TEX15: variants seen among roughly 807,000 people sequenced by gnomAD.
TEX15 encodes the protein testis-expressed protein 15.
TEX15 carries 171 observed loss-of-function variants against 237.3 expected under a neutral mutation model. That is an observed-to-expected ratio of 0.72 (90% CI 0.64 to 0.82). The LOEUF is 0.82. Among genes scored for constraint, TEX15 ranks in the 40% least tolerant of loss-of-function variants. The probability of loss-of-function intolerance (pLI) is 0.00; values close to 1 mark genes in which losing one functional copy is unlikely to be tolerated. For missense variants in TEX15, 3,750 were observed against 3,646.5 expected, an observed-to-expected ratio of 1.03 and a Z score of -0.73; for synonymous variants, 1,338 against 1,269.8, an observed-to-expected ratio of 1.05 and a Z score of -1.14.
chr8:30,896,774 AATTT>A (rs35682067), intron 2 of TEX15, among the ~76,000 whole-genome samples: 3,296 of 152,298 alleles, frequency 0.022, 111 homozygotes, highest in African/African-American at 0.075. Flanking sequence ...AAACTGTAGT[AATTT>A]ATTTGGGGAG....
Position 30,844,519 on chromosome 8 carries a change from G to C in TEX15, c.5648C>G (p.Ser1883Cys). 6.2e-7 allele frequency: 1 copy of C among 1,612,728 alleles called. No homozygotes were observed. Among genetic ancestry groups the C allele is most frequent in the Non-Finnish European group, 8.5e-7 (1 of 1,179,454 alleles). Reference protein sequence around the residue: ...KNQKNQISEESCLNEKIITTN... With the variant: ...KNQKNQISEECCLNEKIITTN... Reference sequence around the variant, plus strand: ...TGTAATAATTTTCTCATTTAAGCAGGATTCTTCTGAGATCTGATTCTTTTG... The same window carrying C: ...TGTAATAATTTTCTCATTTAAGCAGCATTCTTCTGAGATCTGATTCTTTTG... Residue 1883 changes from serine (S) to cysteine (C), a missense_variant, in exon 8 of 11, where the codon TCC becomes TGC. Coordinates refer to ENST00000643185, the MANE Select transcript of TEX15 (RefSeq NM_001350162.2).
Position 30,845,123 on chromosome 8 carries a change from C to T in TEX15, c.5044G>A (p.Val1682Ile). Reference protein sequence around the residue: ...ILSDCKRNLEVKWTDPIERPK... With the variant: ...ILSDCKRNLEIKWTDPIERPK... The stretch of plus-strand genomic sequence containing the variant: ...CTCTCAATAGGATCTGTCCACTTTA[C>T]TTCCAGGTTTCTTTTACAATCAGAT... Residue 1682 changes from valine to isoleucine, a missense_variant, in exon 8 of 11, where the codon GTA (valine) becomes ATA (isoleucine). By Grantham distance (29) the Val-to-Ile change is conservative. Transcript: ENST00000643185. The T allele has an allele frequency of 6.2e-7, 1 of 1,613,404 alleles. No individual in the cohort carries two copies. The highest frequency in any genetic ancestry group is 8.5e-7 in the Non-Finnish European group (1 of 1,179,464).
At position 30,883,179 on chromosome 8, in the gene TEX15, T is replaced by C. The variant is rs193273674; in HGVS notation, c.136+3988A>G. 4.4e-3 allele frequency among the ~76,000 whole-genome samples: 672 copies of C among 152,156 alleles called. 3 individuals carry two copies. Among genetic ancestry groups the C allele is most frequent in the African/African-American group, 0.015 (623 of 41,536 alleles). On this transcript the variant is annotated intron_variant, in intron 3 of 10. Transcript: ENST00000643185. The stretch of plus-strand genomic sequence containing the variant: ...AGAGTGGAGTGCAGTGCTGTGATCA[T>C]AGCTCACTGCAGCCTTGAACTTCTG...
At chr8:30,884,886 CTTTT>C (rs956975933) in intron 3 of TEX15, among the ~76,000 whole-genome samples, 1 of 151,940 alleles carries the variant, frequency 6.6e-6, no homozygotes, top group Admixed American at 6.6e-5. Flanking sequence ...AATTTGTCCT[CTTTT>C]TTCTAGTTTC....
chr8:30,907,444 A>ATT (rs1809125814), intron 1 of TEX15, among the ~76,000 whole-genome samples: 1 of 147,830 alleles, frequency 6.8e-6, no homozygotes, highest in Non-Finnish European at 1.5e-5. Flanking sequence ...TTATATATAC[A>ATT]ATGTATATAT....
At chr8:30,888,592 A>G (rs757939663) in intron 2 of TEX15, 2 of 1,281,960 alleles carry the variant, frequency 1.6e-6, no homozygotes, top group Admixed American at 4.6e-5. Flanking sequence ...AAAGCTATGG[A>G]GTATACACAC....
chr8:30,908,839 T>C (rs960732505), intron 1 of TEX15, among the ~76,000 whole-genome samples: 1 of 152,148 alleles, frequency 6.6e-6, no homozygotes, highest in African/African-American at 2.4e-5. Context: ...ATCCACACAT[T>C]TTTGCATACA....
intron 1 of TEX15, among the ~76,000 whole-genome samples, chr8:30,904,650 C>A (rs1357791483): frequency 1.3e-5 from 2 of 152,126 alleles, no homozygotes; most frequent in Non-Finnish European, 2.9e-5. Flanking sequence ...TTAAAAACCA[C>A]AAGTATTCCT....
At position 30,833,235 on chromosome 8, in the gene TEX15, A is replaced by G; in HGVS notation, c.*51T>C. 7.6e-7 allele frequency: 1 copy of G among 1,310,488 alleles called. No individual in the cohort carries two copies. Among genetic ancestry groups the G allele is most frequent in the Non-Finnish European group, 1.1e-6 (1 of 944,292 alleles). 81.2% of individuals were successfully genotyped at this position (1,310,488 alleles called of 1,614,324 possible). The stretch of plus-strand genomic sequence containing the variant: ...AATGTTAAAAAATATATAAGTAAAA[A>G]ATATTTGGAAAAACTTGTTATGTCT... On this transcript the variant is annotated 3_prime_UTR_variant, in exon 11 of 11. Coordinates refer to ENST00000643185, the MANE Select transcript of TEX15 (RefSeq NM_001350162.2).
At chr8:30,853,948 T>C (rs1320634843) in intron 7 of TEX15, among the ~76,000 whole-genome samples, 2 of 151,606 alleles carry the variant, frequency 1.3e-5, no homozygotes, top group East Asian at 3.9e-4. Flanking sequence ...GAAAATAAAT[T>C]TGAGATAAAT....
chr8:30,858,791 C>G lies in TEX15; in HGVS notation c.727G>C (p.Asp243His), dbSNP rs1807971556. 1 of 1,535,498 alleles carries G rather than the reference C, an allele frequency of 6.5e-7. No homozygotes were observed. Among genetic ancestry groups the G allele is most frequent in the East Asian group, 2.4e-5 (1 of 40,868 alleles). Residue 243 changes from aspartate (D) to histidine (H), a missense_variant, in exon 7 of 11, where the codon GAT becomes CAT. Asp to His is a moderately conservative substitution (Grantham distance 81). Transcript: ENST00000643185. ...YEYSVLSKPV[D>H]KPRQCLPYAV... The stretch of plus-strand genomic sequence containing the variant: ...TATGGAAGACATTGCCTAGGTTTAT[C>G]TACAGGCTTTGAAAGGACACTGTAT...
At chr8:30,874,719 G>A (rs1249706806) in intron 4 of TEX15, among the ~76,000 whole-genome samples, 4 of 152,128 alleles carry the variant, frequency 2.6e-5, no homozygotes, top group African/African-American at 4.8e-5. Flanking sequence ...AAAATTGGAA[G>A]GAGGTGTCTG....
intron 2 of TEX15, among the ~76,000 whole-genome samples, chr8:30,895,676 C>CTT (rs34002027): frequency 0.016 from 989 of 60,052 alleles, 2 homozygotes; most frequent in East Asian, 0.028. Flanking sequence ...TAAACACATG[C>CTT]TTTTTTTTTT....
intron 5 of TEX15, among the ~76,000 whole-genome samples, chr8:30,866,518 C>T (rs1808169937): frequency 6.6e-6 from 1 of 152,068 alleles, no homozygotes; most frequent in Admixed American, 6.6e-5. Context: ...CACTTTATAT[C>T]ATCTTGATAT....
chr8:30,897,735 A>G (rs563671746), intron 2 of TEX15, among the ~76,000 whole-genome samples: 1 of 152,340 alleles, frequency 6.6e-6, no homozygotes, highest in South Asian at 2.1e-4. Context: ...ATTACAGTTC[A>G]TTGTAACCTT....
In TEX15 at chr8:30,842,759, T is replaced by C. The variant is rs1187208139; in HGVS notation, c.7408A>G (p.Arg2470Gly). The stretch of plus-strand genomic sequence containing the variant: ...TCAAACCAAAGCATACCTCGAAACC[T>C]CTGTTTGTCTAGTTTCTTTGCTATT... Reference protein sequence around the residue: ...NSIAKKLDKQRFRGMLWFDLS... With the variant: ...NSIAKKLDKQGFRGMLWFDLS... The change falls in exon 8 of 11, where the codon AGG becomes GGG. Residue 2470 changes from arginine to glycine, a missense_variant. By Grantham distance (125) the Arg-to-Gly change is moderately radical. Coordinates refer to ENST00000643185, the MANE Select transcript of TEX15 (RefSeq NM_001350162.2). The C allele has an allele frequency of 1.2e-6, 2 of 1,613,344 alleles. No homozygotes were observed. The highest frequency in any genetic ancestry group is 1.7e-6 in the Non-Finnish European group (2 of 1,179,674).
chr8:30,887,532 C>T (rs2128776082), intron 2 of TEX15: 2 of 372,478 alleles, frequency 5.4e-6, no homozygotes, highest in Non-Finnish European at 9.6e-6. Context: ...GGCATGGTGA[C>T]TCACACCTGT....
chr8:30,861,775 A>G (rs1439140049), intron 5 of TEX15, among the ~76,000 whole-genome samples: 1 of 152,174 alleles, frequency 6.6e-6, no homozygotes, highest in African/African-American at 2.4e-5. Context: ...CATTATACAG[A>G]GAGAAGCCTA....
rs1055840770 is a variant in TEX15, at chr8:30,869,908, CTAAAA to C, written c.303-2411_303-2407del. Among the ~76,000 whole-genome samples the C allele has an allele frequency of 7.3e-4, 111 of 151,648 alleles. 3 individuals carry two copies. Among genetic ancestry groups the C allele is most frequent in the Non-Finnish European group, 3.2e-4 (22 of 67,910 alleles). On this transcript the variant is annotated intron_variant, in intron 4 of 10. Coordinates refer to ENST00000643185, the MANE Select transcript of TEX15 (RefSeq NM_001350162.2). ...ACATTAATAAGCATCAGAATCTGTG[CTAAAA>C]TAATATTTATATTATCTTAAATTTT...
Sources: gnomAD v4.1 joint callset for allele counts (sites outside exome capture counted in the v4.1 genomes callset) on GRCh38, gnomAD v4.1.1 for gene constraint, MANE v1.5 for transcripts, NCBI Gene and HGNC (gene_info 2026-07-23, HGNC 2026-07-21) for gene names.